The following PRMT3 variants were observed in gnomAD, a reference collection of about 807,000 sequenced individuals.
PRMT3 encodes protein arginine methyltransferase 3.
In PRMT3, 62 loss-of-function variants were observed where a neutral mutation model predicts 71.9. The observed-to-expected ratio is 0.86, with a 90% CI of 0.70 to 1.07. The LOEUF (loss-of-function observed/expected upper bound fraction) is 1.07, where lower values mean the gene tolerates loss of function less well. PRMT3 is among the 50% of genes least tolerant of loss of function. PRMT3 has a pLI of 0.00. For missense variants in PRMT3, 663 were observed against 643.0 expected (o/e 1.03, Z -0.34); for synonymous variants, 213 against 220.4 (o/e 0.97, Z 0.30).
Position 20,473,460 on chromosome 11 carries a change from T to TA in PRMT3, c.1347+8914_1347+8915insA, listed in dbSNP as rs1850701731. 2.0e-5 allele frequency among the ~76,000 whole-genome samples: 3 copies of TA among 152,336 alleles called. No homozygotes were observed. The South Asian group carries it at 6.2e-4, about 32-fold the overall frequency. ...GTTCTCATTAGTTTCAAAGAACTCC[T>TA]TGATTTCTGCCTTAATTTCACTTAT... On this transcript the variant is annotated intron_variant, in intron 13 of 15. Transcript: ENST00000331079.
chr11:20,458,091 T>C (rs1470057512), intron 11 of PRMT3, among the ~76,000 whole-genome samples: 1 of 152,184 alleles, frequency 6.6e-6, no homozygotes, highest in Non-Finnish European at 1.5e-5. Flanking sequence ...TCCCATTTGG[T>C]GACTTTCTAG....
chr11:20,388,222 A>G, intron 2 of PRMT3, 68 bp downstream of exon 2: 1 of 1,601,628 alleles, frequency 6.2e-7, no homozygotes, highest in South Asian at 1.1e-5. Flanking sequence ...TGTGCCCAGG[A>G]ACGCCTTCGG....
At chr11:20,476,393 T>G (rs762235047) in intron 13 of PRMT3, among the ~76,000 whole-genome samples, 34 of 152,130 alleles carry the variant, frequency 2.2e-4, no homozygotes, top group Non-Finnish European at 4.3e-4. Context: ...GGCACTTTAA[T>G]GAAAGGAGGC....
intron 15 of PRMT3, among the ~76,000 whole-genome samples, chr11:20,500,776 C>G (rs1851440158): frequency 2.0e-5 from 3 of 152,166 alleles, no homozygotes; most frequent in Non-Finnish European, 4.4e-5. Context: ...TGTAAAACTT[C>G]TGGAAGAAAT....
At chr11:20,436,661 G>A (rs981872301) in intron 10 of PRMT3, among the ~76,000 whole-genome samples, 2 of 151,346 alleles carry the variant, frequency 1.3e-5, no homozygotes, top group African/African-American at 4.9e-5. Flanking sequence ...ATCTTCTGAT[G>A]TGCCACAAGA....
intron 5 of PRMT3, among the ~76,000 whole-genome samples, chr11:20,393,503 T>A (rs1345545376): frequency 6.6e-6 from 1 of 152,220 alleles, no homozygotes; most frequent in African/African-American, 2.4e-5. Context: ...ACATTTATAA[T>A]TGTTATATTT....
At chr11:20,403,273 A>G (rs1027165584) in intron 8 of PRMT3, among the ~76,000 whole-genome samples, 5 of 152,144 alleles carry the variant, frequency 3.3e-5, no homozygotes, top group Non-Finnish European at 7.4e-5. Context: ...TGCTTAAACC[A>G]TATTTTTTGT....
intron 13 of PRMT3, among the ~76,000 whole-genome samples, chr11:20,474,733 G>A (rs1464116701): frequency 6.6e-6 from 1 of 152,202 alleles, no homozygotes; most frequent in African/African-American, 2.4e-5. Context: ...AGTACTGCAA[G>A]GAAAAATCAG....
chr11:20,459,914 G>A (rs1342546700), intron 11 of PRMT3, among the ~76,000 whole-genome samples: 1 of 152,222 alleles, frequency 6.6e-6, no homozygotes, highest in East Asian at 1.9e-4. Flanking sequence ...GGCTTTACCT[G>A]TTTGTGGAGG....
intron 10 of PRMT3, among the ~76,000 whole-genome samples, chr11:20,427,541 G>A (rs1291761000): frequency 4.6e-5 from 7 of 151,994 alleles, no homozygotes; most frequent in East Asian, 1.9e-4. Context: ...CCTGGCCAAC[G>A]TGATGAAACC....
intron 10 of PRMT3, among the ~76,000 whole-genome samples, chr11:20,451,019 G>C (rs1417749221): frequency 6.6e-6 from 1 of 152,084 alleles, no homozygotes; most frequent in Non-Finnish European, 1.5e-5. Flanking sequence ...TAGGGCTGTT[G>C]GGGGGTTGGA....
intron 10 of PRMT3, among the ~76,000 whole-genome samples, chr11:20,448,074 T>C (rs1210226797): frequency 6.6e-6 from 1 of 152,132 alleles, no homozygotes; most frequent in Non-Finnish European, 1.5e-5. Flanking sequence ...TCCTCCTAGT[T>C]TGAAGAGCCC....
At chr11:20,411,328 G>A (rs957838189) in intron 9 of PRMT3, among the ~76,000 whole-genome samples, 15 of 151,972 alleles carry the variant, frequency 9.9e-5, no homozygotes, top group African/African-American at 3.4e-4. Context: ...CATTTTGTCA[G>A]CCAGATTTTT....
chr11:20,479,670 G>GGCGTTTCT lies in PRMT3; in HGVS notation c.1348-14249_1348-14248insGCGTTTCT, dbSNP rs1850882944. On this transcript the variant is annotated intron_variant, in intron 13 of 15. Transcript: ENST00000331079. The stretch of plus-strand genomic sequence containing the variant: ...TTGTGTATGTTTGAAATTTTTGATA[G>GGCGTTTCT]TATTTTTTTAAAGAATCTCACAACA... Among the ~76,000 whole-genome samples, 14 of 152,244 alleles carry GGCGTTTCT rather than the reference G, an allele frequency of 9.2e-5. No individual in the cohort carries two copies. The South Asian group carries it at 2.9e-3, about 32-fold the overall frequency.
intron 10 of PRMT3, among the ~76,000 whole-genome samples, chr11:20,429,916 A>G (rs1354964392): frequency 6.6e-6 from 1 of 152,230 alleles, no homozygotes; most frequent in African/African-American, 2.4e-5. Context: ...TCTAAATCCT[A>G]GAAGTCCCTA....
intron 11 of PRMT3, 75 bp from the exon 12 acceptor site, chr11:20,461,905 A>G (rs1850391691): frequency 7.8e-7 from 1 of 1,282,222 alleles, no homozygotes; most frequent in South Asian, 2.1e-5. Flanking sequence ...TGATATTTAT[A>G]TTTAGGCTTT....
rs959133958 is a variant in PRMT3, at chr11:20,392,355, C to T, written c.297+95C>T. On this transcript the variant is annotated intron_variant, in intron 4 of 15. Coordinates refer to ENST00000331079, the MANE Select transcript of PRMT3 (RefSeq NM_005788.4). ...TGATTATTTAAAAGAATATGAGGAA[C>T]TGCATTAAATTTGGTACTCATCATA... is the stretch of plus-strand genomic sequence containing the variant. The T allele has an allele frequency of 3.1e-5, 41 of 1,311,594 alleles. 2 individuals are homozygous for T. The highest frequency in any genetic ancestry group is 3.1e-6 in the Non-Finnish European group (3 of 969,810). 81.2% of individuals were successfully genotyped at this position (1,311,594 alleles called of 1,614,324 possible).
At chr11:20,498,546 T>A (rs1448792888) in intron 15 of PRMT3, among the ~76,000 whole-genome samples, 1 of 152,040 alleles carries the variant, frequency 6.6e-6, no homozygotes, top group Admixed American at 6.6e-5. Flanking sequence ...CTGGGCAACA[T>A]GGCGAAATCC....
At chr11:20,498,004 TG>T (rs1239726686) in intron 15 of PRMT3, among the ~76,000 whole-genome samples, 2 of 152,210 alleles carry the variant, frequency 1.3e-5, no homozygotes, top group Non-Finnish European at 2.9e-5. Flanking sequence ...ACTATGCTTA[TG>T]TGAACATAGC....
Sources: gnomAD v4.1 joint callset for allele counts (sites outside exome capture counted in the v4.1 genomes callset) on GRCh38, gnomAD v4.1.1 for gene constraint, MANE v1.5 for transcripts, NCBI Gene and HGNC (gene_info 2026-07-23, HGNC 2026-07-21) for gene names.